ASIC2: variants seen among roughly 807,000 people sequenced by gnomAD.
The protein encoded by ASIC2 is acid sensing ion channel subunit 2.
A neutral mutation model predicts 57.3 loss-of-function variants in ASIC2; 25 were observed. That is an observed-to-expected ratio of 0.44 (90% confidence interval 0.32 to 0.61). The LOEUF (loss-of-function observed/expected upper bound fraction) is 0.61, where lower values mean the gene tolerates loss of function less well. ASIC2 is among the 20% of genes least tolerant of loss of function. The probability of loss-of-function intolerance (pLI) is 0.06; values close to 1 mark genes in which losing one functional copy is unlikely to be tolerated. For synonymous variants in ASIC2, 319 were observed against 307.5 expected (o/e 1.04, Z -0.39); for missense variants, 641 against 738.1 (o/e 0.87, Z 1.52).
Position 33,350,617 on chromosome 17 carries a change from G to T in ASIC2, c.556-238550C>A, listed in dbSNP as rs113052134. Among the ~76,000 whole-genome samples, 502 of 151,918 alleles carry T rather than the reference G, an allele frequency of 3.3e-3. 4 individuals are homozygous for T. The highest frequency in any genetic ancestry group is 0.012 in the African/African-American group (483 of 41,354). The stretch of plus-strand genomic sequence containing the variant: ...GAATGGCTTGAACCCGGGAAGCAGA[G>T]GTTGCAGTGAGCCAAGATTGCACCA... On this transcript the variant is annotated intron_variant, in intron 1 of 9. Coordinates refer to the ASIC2 transcript ENST00000359872.
At chr17:33,784,087 G>T (rs1157469230) in intron 1 of ASIC2, among the ~76,000 whole-genome samples, 4 of 152,152 alleles carry the variant, frequency 2.6e-5, no homozygotes, top group African/African-American at 9.7e-5. Flanking sequence ...GTTTTGTGAG[G>T]TTGGGGGGTC....
At chr17:33,773,037 A>G (rs1261097561) in intron 1 of ASIC2, among the ~76,000 whole-genome samples, 4 of 152,228 alleles carry the variant, frequency 2.6e-5, no homozygotes, top group Admixed American at 2.6e-4. Context: ...TGAAGAGGGT[A>G]CACACAAGTC....
At chr17:33,193,438 G>A (rs1172351347) in intron 1 of ASIC2, among the ~76,000 whole-genome samples, 2 of 152,126 alleles carry the variant, frequency 1.3e-5, no homozygotes, top group East Asian at 1.9e-4. Flanking sequence ...CCCTCCGGAG[G>A]CTTTACCATT....
intron 1 of ASIC2, among the ~76,000 whole-genome samples, chr17:34,045,225 C>A (rs764352712): frequency 6.6e-6 from 1 of 152,156 alleles, no homozygotes; most frequent in Non-Finnish European, 1.5e-5. Context: ...TCTTCTTTAC[C>A]AACACAGGTA....
chr17:33,976,945 G>T (rs780371713), intron 1 of ASIC2, among the ~76,000 whole-genome samples: 8 of 152,106 alleles, frequency 5.3e-5, no homozygotes, highest in Admixed American at 3.9e-4. Flanking sequence ...GCGTCTGCTT[G>T]TCATCATCAA....
intron 1 of ASIC2, among the ~76,000 whole-genome samples, chr17:33,430,352 A>T (rs368922262): frequency 6.6e-6 from 1 of 152,102 alleles, no homozygotes; most frequent in Admixed American, 6.5e-5. Context: ...CTGGGGGGAA[A>T]ATCTAGAAGG....
At chr17:33,077,015 C>T (rs551562343) in intron 3 of ASIC2, among the ~76,000 whole-genome samples, 3 of 152,184 alleles carry the variant, frequency 2.0e-5, no homozygotes, top group South Asian at 4.1e-4. Context: ...GCCACATCCC[C>T]ACCCATCTCC....
chr17:33,694,686 A>T (rs1908474326), intron 1 of ASIC2, among the ~76,000 whole-genome samples: 1 of 152,166 alleles, frequency 6.6e-6, no homozygotes, highest in Non-Finnish European at 1.5e-5. Context: ...GGATAATGTC[A>T]TATACAGCCA....
chr17:33,931,306 C>A (rs1397395008), intron 1 of ASIC2: 4 of 152,194 alleles, frequency 2.6e-5, no homozygotes, highest in Admixed American at 2.0e-4. Flanking sequence ...GCGGGCTGCA[C>A]GCACCGGTAA....
rs1163711096 is a variant in ASIC2, at chr17:33,276,932, C to T, written c.708+14476G>A. ...TGTCTGGGGACAGAGGCCCTTCTTTCTCTTTTATTCCATCCTGCTTTTGCC... is the reference window on the plus strand; with the variant it reads ...TGTCTGGGGACAGAGGCCCTTCTTTTTCTTTTATTCCATCCTGCTTTTGCC... On this transcript the variant is annotated intron_variant, in intron 1 of 9. Coordinates refer to ENST00000225823, the MANE Select transcript of ASIC2 (RefSeq NM_183377.2). Among the ~76,000 whole-genome samples the T allele has an allele frequency of 4.6e-5, 7 of 152,148 alleles. No homozygotes were observed. In the East Asian group the frequency reaches 1.3e-3, roughly 29 times the overall value.
intron 1 of ASIC2, among the ~76,000 whole-genome samples, chr17:33,786,147 G>A (rs1167054898): frequency 6.6e-6 from 1 of 152,156 alleles, no homozygotes; most frequent in Non-Finnish European, 1.5e-5. Flanking sequence ...GCATAAACCA[G>A]GCAGAGTAAC....
At chr17:34,099,882 G>A (rs966575779) in intron 1 of ASIC2, among the ~76,000 whole-genome samples, 1 of 152,214 alleles carries the variant, frequency 6.6e-6, no homozygotes, top group African/African-American at 2.4e-5. Context: ...TAGAATACAT[G>A]GTATGTGTGA....
chr17:33,711,594 C>T (rs1035414828), intron 1 of ASIC2, among the ~76,000 whole-genome samples: 1 of 152,180 alleles, frequency 6.6e-6, no homozygotes, highest in Non-Finnish European at 1.5e-5. Flanking sequence ...CACAGTTCTA[C>T]ATGGCTCAGG....
intron 1 of ASIC2, among the ~76,000 whole-genome samples, chr17:33,218,928 C>T (rs1053290527): frequency 1.3e-5 from 2 of 152,136 alleles, no homozygotes; most frequent in South Asian, 2.1e-4. Context: ...CAACCACACC[C>T]GTGGAAGGGA....
chr17:33,751,607 G>C (rs760155260), intron 1 of ASIC2, among the ~76,000 whole-genome samples: 1 of 151,954 alleles, frequency 6.6e-6, no homozygotes, highest in Non-Finnish European at 1.5e-5. Flanking sequence ...TATAAACACG[G>C]ATACGTCTCC....
intron 1 of ASIC2, among the ~76,000 whole-genome samples, chr17:33,709,604 A>G (rs1322275000): frequency 6.6e-6 from 1 of 152,196 alleles, no homozygotes; most frequent in Non-Finnish European, 1.5e-5. Flanking sequence ...GAAGGTACCA[A>G]TCTATGGTAC....
intron 1 of ASIC2, among the ~76,000 whole-genome samples, chr17:33,686,011 G>A (rs189372878): frequency 1.3e-5 from 2 of 152,282 alleles, no homozygotes; most frequent in East Asian, 1.9e-4. Flanking sequence ...CTGCATGAGC[G>A]TGGGCCAAGG....
chr17:33,969,584 T>A (rs1294018873), intron 1 of ASIC2, among the ~76,000 whole-genome samples: 1 of 152,176 alleles, frequency 6.6e-6, no homozygotes, highest in African/African-American at 2.4e-5. Context: ...ATTACTATTG[T>A]GGACAATTGA....
At chr17:33,799,366 C>G (rs1453280367) in intron 1 of ASIC2, among the ~76,000 whole-genome samples, 1 of 121,206 alleles carries the variant, frequency 8.3e-6, no homozygotes, top group Non-Finnish European at 1.7e-5. Flanking sequence ...TTCTTTCTTT[C>G]TTTCTTTCTT....
Sources: gnomAD v4.1 joint callset for allele counts (sites outside exome capture counted in the v4.1 genomes callset) on GRCh38, gnomAD v4.1.1 for gene constraint, MANE v1.5 for transcripts, NCBI Gene and HGNC (gene_info 2026-07-23, HGNC 2026-07-21) for gene names.